SMARCC1: variants seen among roughly 807,000 people sequenced by gnomAD.
The protein encoded by SMARCC1 is SWI/SNF complex subunit SMARCC1.
Under a neutral mutation model 147.4 loss-of-function variants are expected in SMARCC1, and 43 were observed. That is an observed-to-expected ratio of 0.29 (90% confidence interval 0.23 to 0.38). SMARCC1 has a LOEUF of 0.38. Among genes scored for constraint, SMARCC1 ranks in the 10% least tolerant of loss-of-function variants. SMARCC1 has a pLI of 1.00. For missense variants in SMARCC1, 1,119 were observed against 1,381.1 expected (o/e 0.81, Z 3.01); for synonymous variants, 495 against 484.4 (o/e 1.02, Z -0.29).
At chr3:47,752,653 G>A (rs1018737971) in intron 2 of SMARCC1, among the ~76,000 whole-genome samples, 3 of 152,006 alleles carry the variant, frequency 2.0e-5, no homozygotes, top group South Asian at 2.1e-4. Context: ...AAATTAGCCC[G>A]GCATGGTAGG....
At chr3:47,774,816 T>C (rs2034955693) in intron 1 of SMARCC1, among the ~76,000 whole-genome samples, 1 of 152,068 alleles carries the variant, frequency 6.6e-6, no homozygotes, top group Non-Finnish European at 1.5e-5. Flanking sequence ...CATATACTTT[T>C]TTTTTTCAAG....
At chr3:47,698,610 C>CA (rs975678885) in intron 11 of SMARCC1, among the ~76,000 whole-genome samples, 3 of 151,104 alleles carry the variant, frequency 2.0e-5, no homozygotes, top group African/African-American at 7.3e-5. Context: ...CTGTCAGTAA[C>CA]AAAAAAAATG....
At chr3:47,771,332 G>A (rs1400897939) in intron 2 of SMARCC1, among the ~76,000 whole-genome samples, 2 of 152,146 alleles carry the variant, frequency 1.3e-5, no homozygotes, top group Non-Finnish European at 2.9e-5. Flanking sequence ...CTAACAGCAC[G>A]CTAGAAACAA....
chr3:47,639,592 T>C (rs2033022360), intron 21 of SMARCC1, among the ~76,000 whole-genome samples: 1 of 152,114 alleles, frequency 6.6e-6, no homozygotes, highest in Non-Finnish European at 1.5e-5. Flanking sequence ...TGTGCACCTA[T>C]AGCCCTAGTT....
chr3:47,604,333 T>C (rs1247829986), intron 26 of SMARCC1: 1 of 455,296 alleles, frequency 2.2e-6, no homozygotes, highest in Non-Finnish European at 4.4e-6. Context: ...TCTCAGCACT[T>C]CCCCAACCTT....
chr3:47,760,071 T>C (rs1289303644), intron 2 of SMARCC1, among the ~76,000 whole-genome samples: 1 of 152,160 alleles, frequency 6.6e-6, no homozygotes, highest in Non-Finnish European at 1.5e-5. Context: ...CCCACCACTC[T>C]GGGAGGCCGA....
chr3:47,598,005 G>C (rs1326948746), intron 26 of SMARCC1, among the ~76,000 whole-genome samples: 10 of 152,170 alleles, frequency 6.6e-5, no homozygotes. Flanking sequence ...GTTTCAAATA[G>C]AGCAGTGGCA....
chr3:47,711,787 A>C (rs1191170685), intron 8 of SMARCC1, among the ~76,000 whole-genome samples: 3 of 152,208 alleles, frequency 2.0e-5, no homozygotes, highest in African/African-American at 7.2e-5. Context: ...TCTCCCTTGA[A>C]AACTATAGTT....
At chr3:47,767,145 T>C (rs1321793662) in intron 2 of SMARCC1, among the ~76,000 whole-genome samples, 1 of 124,160 alleles carries the variant, frequency 8.1e-6, no homozygotes, top group Non-Finnish European at 1.6e-5. Context: ...ATCACACCAC[T>C]GCACTCCAGC....
chr3:47,596,566 CAA>C (rs576365725), intron 26 of SMARCC1, among the ~76,000 whole-genome samples: 6 of 122,732 alleles, frequency 4.9e-5, no homozygotes, highest in African/African-American at 1.2e-4. Context: ...GACTCCGTCT[CAA>C]AAAAAAAAAA....
chr3:47,709,486 G>A (rs1005400313), intron 9 of SMARCC1, among the ~76,000 whole-genome samples: 1 of 151,628 alleles, frequency 6.6e-6, no homozygotes, highest in Non-Finnish European at 1.5e-5. Context: ...AAGAGTTCAA[G>A]ACCAGCCTGG....
chr3:47,593,530 A>AT (rs1160017141), intron 26 of SMARCC1, among the ~76,000 whole-genome samples: 8 of 152,220 alleles, frequency 5.3e-5, no homozygotes, highest in Admixed American at 4.6e-4. Context: ...AAGAGAATCA[A>AT]TGTAGTTTTT....
intron 6 of SMARCC1, among the ~76,000 whole-genome samples, chr3:47,724,133 T>C (rs1373072227): frequency 6.6e-6 from 1 of 152,230 alleles, no homozygotes; most frequent in South Asian, 2.1e-4. Flanking sequence ...CCATACGATC[T>C]AGCAATTCCA....
At position 47,727,305 on chromosome 3, in the gene SMARCC1, G is replaced by A. The variant is rs376263935; in HGVS notation, c.646+1720C>T. On this transcript the variant is annotated intron_variant, in intron 6 of 27. Coordinates refer to ENST00000254480, the MANE Select transcript of SMARCC1 (RefSeq NM_003074.4). Reference sequence around the variant, plus strand: ...AGGTGGATCATGAGGTCAGGAGTTCGAGACCAACCTGGCCAAGACGGTGAA... The same window carrying A: ...AGGTGGATCATGAGGTCAGGAGTTCAAGACCAACCTGGCCAAGACGGTGAA... Among the ~76,000 whole-genome samples, 18 of 152,080 alleles carry A rather than the reference G, an allele frequency of 1.2e-4. No individual in the cohort carries two copies. In the East Asian group the frequency reaches 1.7e-3, roughly 15 times the overall value.
At chr3:47,637,268 A>G (rs1369798485) in intron 22 of SMARCC1, among the ~76,000 whole-genome samples, 3 of 152,362 alleles carry the variant, frequency 2.0e-5, no homozygotes, top group Admixed American at 1.3e-4. Flanking sequence ...TGCAGGAACT[A>G]TAATCAATTT....
chr3:47,610,536 T>G (rs2032550144), intron 25 of SMARCC1: 1 of 598,604 alleles, frequency 1.7e-6, no homozygotes, highest in Non-Finnish European at 3.0e-6. Flanking sequence ...ATGGTCAAAG[T>G]CTTCTCCATG....
intron 21 of SMARCC1, among the ~76,000 whole-genome samples, chr3:47,648,026 A>C (rs1262137628): frequency 6.6e-6 from 1 of 151,898 alleles, no homozygotes; most frequent in African/African-American, 2.4e-5. Flanking sequence ...ACAGAGTCTC[A>C]CTCTGTTGCC....
intron 26 of SMARCC1, among the ~76,000 whole-genome samples, chr3:47,597,042 T>C (rs999836930): frequency 6.7e-6 from 1 of 149,902 alleles, no homozygotes; most frequent in Non-Finnish European, 1.5e-5. Context: ...CCAGGCGTGG[T>C]GGCACGCACC....
rs79032057 is a variant in SMARCC1, at chr3:47,675,944, C to CA, written c.1726-357dup. Among the ~76,000 whole-genome samples the CA allele has an allele frequency of 8.0e-3, 909 of 113,136 alleles. 3 individuals carry two copies. The highest frequency in any genetic ancestry group is 0.018 in the African/African-American group (553 of 31,130). The allele number at this position is 113,136 out of a possible 152,430, so 74.2% of individuals were successfully genotyped here. ...GGGGGAACAGTGCAAGATTCCGTCT[C>CA]AAAAAAAAAAAAAAAGTTTAATATT... is the stretch of plus-strand genomic sequence containing the variant. On this transcript the variant is annotated intron_variant, in intron 17 of 27. Transcript: ENST00000254480.
Sources: allele counts gnomAD v4.1 joint callset (sites outside exome capture counted in the v4.1 genomes callset), GRCh38; gene constraint gnomAD v4.1.1; transcripts MANE v1.5; gene names NCBI Gene and HGNC (gene_info 2026-07-23, HGNC 2026-07-21).